Variants in LMBRD1 observed in about 807,000 individuals in gnomAD.
LMBRD1 encodes the protein lysosomal cobalamin transport escort protein LMBD1.
A neutral mutation model predicts 74.8 loss-of-function variants in LMBRD1; 64 were observed. The observed-to-expected ratio is 0.86, with a 90% CI of 0.70 to 1.05. The LOEUF is 1.05. Ranked by LOEUF, LMBRD1 falls within the 50% of genes least tolerant of loss-of-function variation. LMBRD1 has a pLI of 0.00. For missense variants in LMBRD1, 652 were observed against 645.9 expected, an observed-to-expected ratio of 1.01 and a Z score of -0.10; for synonymous variants, 204 against 216.3, an observed-to-expected ratio of 0.94 and a Z score of 0.50.
intron 14 of LMBRD1, among the ~76,000 whole-genome samples, chr6:69,678,183 TTACAA>T (rs1394939381): frequency 6.6e-6 from 1 of 152,150 alleles, no homozygotes. Context: ...TACTATGATC[TTACAA>T]TAAAGTAAGC....
intron 8 of LMBRD1, 80 bp from the exon 9 acceptor site, chr6:69,713,877 C>T: frequency 6.6e-7 from 1 of 1,519,736 alleles, no homozygotes; most frequent in Non-Finnish European, 9.1e-7. Flanking sequence ...GATCAGGCAA[C>T]AAAACCTTTT....
chr6:69,740,976 A>T (rs1203804293), intron 6 of LMBRD1, among the ~76,000 whole-genome samples: 6 of 152,136 alleles, frequency 3.9e-5, no homozygotes, highest in African/African-American at 1.4e-4. Flanking sequence ...AACTTCTAGA[A>T]AAGCAATGCC....
At chr6:69,732,307 C>CTTAT (rs1300580354) in intron 7 of LMBRD1, among the ~76,000 whole-genome samples, 1 of 152,050 alleles carries the variant, frequency 6.6e-6, no homozygotes, top group Non-Finnish European at 1.5e-5. Context: ...GATTAATGCC[C>CTTAT]TTATAAGAAG....
intron 14 of LMBRD1, among the ~76,000 whole-genome samples, chr6:69,694,903 T>G (rs1045318298): frequency 1.3e-5 from 2 of 152,172 alleles, no homozygotes; most frequent in African/African-American, 4.8e-5. Context: ...TATCAAAAGC[T>G]TTTGCTACTT....
At chr6:69,767,636 T>G (rs1765498111) in intron 3 of LMBRD1, among the ~76,000 whole-genome samples, 1 of 151,942 alleles carries the variant, frequency 6.6e-6, no homozygotes, top group Non-Finnish European at 1.5e-5. Context: ...TACTGAAGAA[T>G]GTTCTCCATG....
At chr6:69,686,335 C>T (rs1765763134) in intron 14 of LMBRD1, among the ~76,000 whole-genome samples, 1 of 148,380 alleles carries the variant, frequency 6.7e-6, no homozygotes, top group African/African-American at 2.4e-5. Context: ...ACCTACATAC[C>T]ACATCACAGC....
At chr6:69,706,326 C>A (rs541514102) in intron 9 of LMBRD1, among the ~76,000 whole-genome samples, 25 of 152,276 alleles carry the variant, frequency 1.6e-4, no homozygotes, top group Admixed American at 1.5e-3. Context: ...TTTAGAAATT[C>A]TGTAATTTAT....
chr6:69,679,200 A>G (rs548453479), intron 14 of LMBRD1, among the ~76,000 whole-genome samples: 1 of 152,252 alleles, frequency 6.6e-6, no homozygotes, highest in East Asian at 1.9e-4. Context: ...ATCAACAGAA[A>G]AGTCTAGAAT....
At chr6:69,700,694 A>G in intron 12 of LMBRD1, 71 bp downstream of exon 12, 1 of 1,059,132 alleles carries the variant, frequency 9.4e-7, no homozygotes, top group Non-Finnish European at 1.3e-6. Flanking sequence ...TTCTAAATCT[A>G]AGATAATTTG....
At chr6:69,744,919 T>G (rs1767185237) in intron 5 of LMBRD1, among the ~76,000 whole-genome samples, 1 of 151,992 alleles carries the variant, frequency 6.6e-6, no homozygotes, top group Admixed American at 6.6e-5. Context: ...CTCAGCTCAC[T>G]GCAACCTCTG....
In LMBRD1 at chr6:69,699,180, T is replaced by C. The variant is rs754617066; in HGVS notation, c.1201A>G (p.Arg401Gly). Residue 401 changes from arginine (R) to glycine (G), a missense_variant, in exon 13 of 16, where the codon AGA becomes GGA. By Grantham distance (125) the Arg-to-Gly change is moderately radical. This residue lies in a region of LMBRD1 where 598 missense variants were observed against 581.8 expected (regional missense o/e 1.03). Transcript: ENST00000649934. ...GCTTGGGGCCTGGTTCTACCTCTTC[T>C]GATTTTATATAACTGGAAAGAAAAG... ...WFFWIRLYKI[R>G]RGRTRPQALL... 3 of 1,611,544 alleles carry C rather than the reference T, an allele frequency of 1.9e-6. No homozygotes were observed. The highest frequency in any genetic ancestry group is 1.7e-4 in the Middle Eastern group (1 of 6,056).
At chr6:69,722,446 T>G (rs1190731199) in intron 7 of LMBRD1, among the ~76,000 whole-genome samples, 2 of 138,618 alleles carry the variant, frequency 1.4e-5, no homozygotes, top group Non-Finnish European at 3.1e-5. Context: ...AGTAGAAAAC[T>G]AAATGATGAA....
At chr6:69,759,978 A>C (rs1199285352) in intron 3 of LMBRD1, among the ~76,000 whole-genome samples, 1 of 152,196 alleles carries the variant, frequency 6.6e-6, no homozygotes, top group East Asian at 1.9e-4. Flanking sequence ...CAGACTAGCA[A>C]AAACTAAACA....
At chr6:69,766,913 A>G (rs1765485195) in intron 3 of LMBRD1, among the ~76,000 whole-genome samples, 1 of 151,634 alleles carries the variant, frequency 6.6e-6, no homozygotes, top group Non-Finnish European at 1.5e-5. Flanking sequence ...CTACAGTGCT[A>G]TTTCTTCTTA....
intron 2 of LMBRD1, 76 bp from the exon 3 acceptor site, chr6:69,780,630 G>A (rs1185717312): frequency 1.0e-5 from 11 of 1,060,342 alleles, no homozygotes; most frequent in African/African-American, 3.1e-5. Context: ...GTTTTAATAC[G>A]ACTGAATATC....
chr6:69,787,619 A>C (rs574951333), intron 2 of LMBRD1, among the ~76,000 whole-genome samples: 1 of 152,220 alleles, frequency 6.6e-6, no homozygotes, highest in South Asian at 2.1e-4. Context: ...GGCGGTGTGC[A>C]TCTGTAATCC....
At chr6:69,793,718 C>CTTTTTTTTTTTTTTTTTTTTTTTTTTTTT in intron 1 of LMBRD1, among the ~76,000 whole-genome samples, 1 of 96,030 alleles carries the variant, frequency 1.0e-5, no homozygotes, top group Admixed American at 1.2e-4. Flanking sequence ...TGTCCTGAAT[C>CTTTTTTTTTTTTTTTTTTTTTTTTTTTTT]TTTTTTTTTT....
intron 7 of LMBRD1, among the ~76,000 whole-genome samples, chr6:69,736,080 A>G (rs1293792417): frequency 6.6e-6 from 1 of 152,072 alleles, no homozygotes; most frequent in Non-Finnish European, 1.5e-5. Context: ...ACTACTGTCT[A>G]TCTACTTATG....
In LMBRD1 at chr6:69,702,127, T is replaced by C. The variant is rs16868085; in HGVS notation, c.916-174A>G. ...GGCATTTATACCTGAATTTTCATTATGAGACTATTTGATTGAGAACATGTA... is the reference window on the plus strand; with the variant it reads ...GGCATTTATACCTGAATTTTCATTACGAGACTATTTGATTGAGAACATGTA... On this transcript the variant is annotated intron_variant, in intron 9 of 15. Transcript: ENST00000649934. Among the ~76,000 whole-genome samples, 622 of 152,116 alleles carry C rather than the reference T, an allele frequency of 4.1e-3. 19 individuals are homozygous for C. The highest frequency in any genetic ancestry group is 0.04 in the East Asian group (209 of 5,184).
Sources: gnomAD v4.1 joint callset for allele counts (sites outside exome capture counted in the v4.1 genomes callset) on GRCh38, gnomAD v4.1.1 for gene constraint, gnomAD v4.1.1 regional missense constraint, MANE v1.5 for transcripts, NCBI Gene and HGNC (gene_info 2026-07-23, HGNC 2026-07-21) for gene names.